SRPX: variants seen among roughly 807,000 people sequenced by gnomAD.
The protein encoded by SRPX is sushi repeat-containing protein SRPX.
In SRPX, 24 loss-of-function variants were observed where a neutral mutation model predicts 38.1. The observed-to-expected ratio is 0.63, with a 90% CI of 0.46 to 0.89. SRPX has a LOEUF of 0.89. SRPX is among the 40% of genes least tolerant of loss of function. The probability of loss-of-function intolerance (pLI) is 0.00; values close to 1 mark genes in which losing one functional copy is unlikely to be tolerated. For missense variants in SRPX, 416 were observed against 377.8 expected, an observed-to-expected ratio of 1.10 and a Z score of -0.84; for synonymous variants, 184 against 153.8, an observed-to-expected ratio of 1.20 and a Z score of -1.45.
At chrX:38,174,946 C>G (rs1193345674) in intron 2 of SRPX, among the ~76,000 whole-genome samples, 1 of 111,781 alleles carries the variant, frequency 8.9e-6, no homozygotes, top group Non-Finnish European at 1.9e-5. Context: ...CTTAAAGTCA[C>G]AGAACAATTG....
chrX:38,162,596 C>T (rs1602441514), intron 5 of SRPX, among the ~76,000 whole-genome samples: 1 of 112,323 alleles, frequency 8.9e-6, no homozygotes, highest in African/African-American at 3.2e-5. Context: ...GGCAGATCAC[C>T]TGAGGTCAGG....
At chrX:38,180,690 T>C (rs1938651373) in intron 1 of SRPX, among the ~76,000 whole-genome samples, 1 of 112,293 alleles carries the variant, frequency 8.9e-6, no homozygotes, top group Non-Finnish European at 1.9e-5. Context: ...TCTCAGCCTT[T>C]TTTTCTTCTA....
At chrX:38,169,749 A>G (rs971859330) in intron 4 of SRPX, among the ~76,000 whole-genome samples, 7 of 111,933 alleles carry the variant, frequency 6.3e-5, no homozygotes, top group African/African-American at 1.3e-4. Flanking sequence ...GTTTTGGCCT[A>G]GGAAGAAGTG....
At chrX:38,155,486 C>G (rs1301477139) in intron 8 of SRPX, among the ~76,000 whole-genome samples, 1 of 112,248 alleles carries the variant, frequency 8.9e-6, no homozygotes. Context: ...GCAACGATGG[C>G]AATCTTTCTC....
At chrX:38,174,484 T>C in intron 2 of SRPX, 133 bp from the exon 3 acceptor site, 1 of 416,810 alleles carries the variant, frequency 2.4e-6, no homozygotes, top group East Asian at 4.6e-5. Flanking sequence ...CATGTTTTCT[T>C]AGGTGTCTCC....
In SRPX at chrX:38,212,859, A is replaced by G. The variant is rs1000375121; in HGVS notation, c.97+7837T>C. 2.7e-5 allele frequency among the ~76,000 whole-genome samples: 3 copies of G among 111,060 alleles called. No homozygotes were observed. The Admixed American group carries it at 2.9e-4, about 11-fold the overall frequency. ...CTTGAATCCTTGGACTCAAGGCCTC[A>G]AGTCCTTGAGTCTTGGGCCTGCCTC... On this transcript the variant is annotated intron_variant, in intron 1 of 9. Transcript: ENST00000378533.
chrX:38,169,999 A>T (rs998981022), intron 4 of SRPX, among the ~76,000 whole-genome samples: 4 of 111,852 alleles, frequency 3.6e-5, no homozygotes, highest in Non-Finnish European at 7.5e-5. Flanking sequence ...AATTTGCAGT[A>T]TTTTTTTTCC....
chrX:38,178,670 G>A (rs895232600), intron 1 of SRPX, among the ~76,000 whole-genome samples: 1 of 111,599 alleles, frequency 9.0e-6, no homozygotes, highest in Non-Finnish European at 1.9e-5. Context: ...TCATGCCAGG[G>A]GAGATGCAAT....
At chrX:38,198,968 C>T (rs1413659397) in intron 1 of SRPX, among the ~76,000 whole-genome samples, 6 of 111,270 alleles carry the variant, frequency 5.4e-5, no homozygotes, top group Non-Finnish European at 9.4e-5. Flanking sequence ...CTGACGTCTA[C>T]AGGCTGGTGC....
intron 4 of SRPX, among the ~76,000 whole-genome samples, chrX:38,166,515 T>A (rs755127658): frequency 4.5e-5 from 5 of 112,014 alleles, no homozygotes; most frequent in Non-Finnish European, 7.5e-5. Context: ...ATACAAATAC[T>A]ATGATGAAAT....
intron 1 of SRPX, among the ~76,000 whole-genome samples, chrX:38,187,781 C>T (rs2147107866): frequency 8.9e-6 from 1 of 112,181 alleles, no homozygotes; most frequent in Non-Finnish European, 1.9e-5. Context: ...ACCCTTCTCT[C>T]CTCCATAGCT....
At chrX:38,213,028 G>C (rs1160903877) in intron 1 of SRPX, among the ~76,000 whole-genome samples, 2 of 112,692 alleles carry the variant, frequency 1.8e-5, no homozygotes, top group Non-Finnish European at 3.7e-5. Flanking sequence ...ATTGAGAGGT[G>C]GCCAGGCACC....
chrX:38,178,269 T>C lies in SRPX; in HGVS notation c.157+16A>G. On this transcript the variant is annotated intron_variant, in intron 2 of 9. Transcript: ENST00000378533. ...GCACCAGCAGGTCCTCATTAGCACA[T>C]AAGCAAAGCATTCACCTTTATATCT... 11 of 1,201,895 alleles carry C rather than the reference T, an allele frequency of 9.2e-6. No individual in the cohort carries two copies. The highest frequency in any genetic ancestry group is 1.8e-5 in the South Asian group (1 of 55,939).
chrX:38,205,985 C>G (rs1939203237), intron 1 of SRPX, among the ~76,000 whole-genome samples: 1 of 112,629 alleles, frequency 8.9e-6, no homozygotes, highest in Non-Finnish European at 1.9e-5. Flanking sequence ...CATCCACTAC[C>G]ACCACCATCC....
intron 2 of SRPX, among the ~76,000 whole-genome samples, chrX:38,177,578 A>G (rs1453903394): frequency 9.6e-6 from 1 of 103,813 alleles, no homozygotes; most frequent in Non-Finnish European, 2.0e-5. Flanking sequence ...TTCTTCCTCC[A>G]CTGTAAGAGG....
At chrX:38,169,218 C>T (rs1938421275) in intron 4 of SRPX, among the ~76,000 whole-genome samples, 1 of 112,220 alleles carries the variant, frequency 8.9e-6, no homozygotes, top group African/African-American at 3.2e-5. Flanking sequence ...TATTTGTCAA[C>T]CCAGGAAGAA....
intron 1 of SRPX, among the ~76,000 whole-genome samples, chrX:38,181,718 A>AT (rs1249149394): frequency 8.9e-6 from 1 of 111,823 alleles, no homozygotes; most frequent in Admixed American, 9.5e-5. Flanking sequence ...GCATTAAATC[A>AT]TTTTTTGCAT....
At position 38,157,078 on chromosome X, in the gene SRPX, G is replaced by A. The variant is rs73469651; in HGVS notation, c.956-49C>T. On this transcript the variant is annotated intron_variant, in intron 7 of 9. Coordinates refer to ENST00000378533, the MANE Select transcript of SRPX (RefSeq NM_006307.5). ...GGTCAGAAACCTTCCACTTGTTCTGGCTCAACAGAGCCTATGATGACACAC... is the reference window on the plus strand; with the variant it reads ...GGTCAGAAACCTTCCACTTGTTCTGACTCAACAGAGCCTATGATGACACAC... 3.3e-3 allele frequency: 3,897 copies of A among 1,176,746 alleles called. 82 individuals carry two copies. In the African/African-American group the frequency reaches 0.06, roughly 18 times the overall value.
intron 4 of SRPX, among the ~76,000 whole-genome samples, chrX:38,167,659 C>T (rs1434907236): frequency 1.8e-5 from 2 of 112,573 alleles, no homozygotes; most frequent in African/African-American, 3.2e-5. Context: ...TCATTGGAGA[C>T]ATCTGACAAA....
Sources: allele counts gnomAD v4.1 joint callset (sites outside exome capture counted in the v4.1 genomes callset), GRCh38; gene constraint gnomAD v4.1.1; transcripts MANE v1.5; gene names NCBI Gene and HGNC (gene_info 2026-07-23, HGNC 2026-07-21).